Variants in BLTP1 observed in about 807,000 individuals in gnomAD.
BLTP1 encodes fragile site-associated protein.
chr4:122,174,711 A>G, the BLTP1 span: 2 of 1,258,280 alleles, frequency 1.6e-6, no homozygotes, highest in Non-Finnish European at 2.2e-6. Context: ...AAATATTGTT[A>G]AAATGTTTTA....
chr4:122,289,805 G>A, the BLTP1 span: 5 of 981,934 alleles, frequency 5.1e-6, no homozygotes, highest in Admixed American at 3.1e-4. Flanking sequence ...TTATGCTCAT[G>A]GATTAATTCA....
the BLTP1 span, among the ~76,000 whole-genome samples, chr4:122,253,853 A>G: frequency 6.6e-6 from 1 of 152,150 alleles, no homozygotes; most frequent in South Asian, 2.1e-4. Flanking sequence ...ATATTTAATC[A>G]TTAAACTCCC....
At chr4:122,267,145 A>G in the BLTP1 span, among the ~76,000 whole-genome samples, 9 of 126,468 alleles carry the variant, frequency 7.1e-5, no homozygotes, top group Non-Finnish European at 1.2e-4. Context: ...TGCAAGCTCC[A>G]CCTCCCGGGT....
At chr4:122,201,674 A>G in the BLTP1 span, among the ~76,000 whole-genome samples, 96 of 152,310 alleles carry the variant, frequency 6.3e-4, no homozygotes, top group African/African-American at 2.2e-3. Context: ...TTGTTGGTCT[A>G]TGAATAGCAT....
the BLTP1 span, chr4:122,175,956 T>C: frequency 1.0e-6 from 1 of 961,632 alleles, no homozygotes; most frequent in African/African-American, 1.7e-5. Flanking sequence ...TTCAATCATA[T>C]AATCAGGATT....
chr4:122,221,714 C>T, the BLTP1 span: 5 of 771,254 alleles, frequency 6.5e-6, no homozygotes, highest in South Asian at 5.9e-5. Context: ...ATTAGCAGGT[C>T]ATTAGAATCG....
At chr4:122,330,974 T>A in the BLTP1 span, 1 of 973,386 alleles carries the variant, frequency 1.0e-6, no homozygotes, top group Non-Finnish European at 1.2e-6. Context: ...TTATTTTTCT[T>A]TCCTTGTTGT....
chr4:122,172,013 A>G, the BLTP1 span: 1 of 793,056 alleles, frequency 1.3e-6, no homozygotes, highest in Non-Finnish European at 1.5e-6. Context: ...AAAAATTTAT[A>G]CAAAATGACT....
chr4:122,244,685 G>A, the BLTP1 span: 5 of 954,916 alleles, frequency 5.2e-6, no homozygotes, highest in Non-Finnish European at 6.2e-6. Context: ...TCCTGCAAAA[G>A]CACATAATTT....
At chr4:122,187,015 A>G in the BLTP1 span, 5 of 985,164 alleles carry the variant, frequency 5.1e-6, no homozygotes, top group East Asian at 1.1e-4. Flanking sequence ...TGTTTTCAGA[A>G]GTGCTTAAAA....
At chr4:122,287,743 C>T in the BLTP1 span, 1 of 979,172 alleles carries the variant, frequency 1.0e-6, no homozygotes, top group Non-Finnish European at 1.2e-6. Flanking sequence ...TGGAAGCTCT[C>T]TAAGAGTTGG....
chr4:122,161,705 G>A, the BLTP1 span, among the ~76,000 whole-genome samples: 4 of 152,004 alleles, frequency 2.6e-5, no homozygotes, highest in East Asian at 1.9e-4. Flanking sequence ...GATTACAGGC[G>A]TGAGCCACAA....
chr4:122,214,141 C>CA, the BLTP1 span: 2 of 812,986 alleles, frequency 2.5e-6, no homozygotes, highest in Non-Finnish European at 3.0e-6. Flanking sequence ...TATTAGCTGT[C>CA]ATCTTTTAGC....
the BLTP1 span, among the ~76,000 whole-genome samples, chr4:122,176,707 A>G: frequency 6.6e-6 from 1 of 152,150 alleles, no homozygotes; most frequent in South Asian, 2.1e-4. Flanking sequence ...AGGATAATTG[A>G]TAAAAAAAAA....
chr4:122,320,989 C>CTT, the BLTP1 span, among the ~76,000 whole-genome samples: 282 of 122,944 alleles, frequency 2.3e-3, 2 homozygotes, highest in African/African-American at 7.9e-3. Flanking sequence ...TTTTTCTTTT[C>CTT]TTTTTTTTTT....
At chr4:122,166,733 A>G in the BLTP1 span, among the ~76,000 whole-genome samples, 3 of 152,026 alleles carry the variant, frequency 2.0e-5, no homozygotes, top group Non-Finnish European at 2.9e-5. Context: ...ATTTGTTTGT[A>G]TCCTCTTTTA....
the BLTP1 span, chr4:122,154,806 A>C: frequency 5.2e-6 from 1 of 192,964 alleles, no homozygotes; most frequent in South Asian, 1.8e-4. Flanking sequence ...CAGGAGGCAG[A>C]GCTTGCAGTG....
chr4:122,302,144 A>G, the BLTP1 span: 1 of 340,214 alleles, frequency 2.9e-6, no homozygotes, highest in Admixed American at 6.5e-5. Context: ...GGTGTTCATA[A>G]AAGTTATTTA....
chr4:122,271,066 G>A, the BLTP1 span: 147 of 1,613,574 alleles, frequency 9.1e-5, no homozygotes, highest in Admixed American at 9.2e-4. Flanking sequence ...CAGCATTAAT[G>A]TTGGGAACCT....
Sources: gnomAD v4.1 joint callset for allele counts (sites outside exome capture counted in the v4.1 genomes callset) on GRCh38, gnomAD v4.1.1 for gene constraint, MANE v1.5 for transcripts, NCBI Gene and HGNC (gene_info 2026-07-23, HGNC 2026-07-21) for gene names.